The following NFRKB variants were observed in gnomAD, a reference collection of about 807,000 sequenced individuals.
NFRKB encodes nuclear factor related to kappa-B-binding protein.
A neutral mutation model predicts 135.7 loss-of-function variants in NFRKB; 62 were observed. The ratio of observed to expected loss-of-function variants is 0.46; its 90% CI spans 0.37 to 0.56. The LOEUF is 0.56. Ranked by LOEUF, NFRKB falls within the 20% of genes least tolerant of loss-of-function variation. NFRKB has a pLI of 0.00. For missense variants in NFRKB, 1,545 were observed against 1,662.0 expected, an observed-to-expected ratio of 0.93 and a Z score of 1.22; for synonymous variants, 678 against 635.6, an observed-to-expected ratio of 1.07 and a Z score of -1.00.
chr11:129,871,196 T>C (rs1591482331), intron 23 of NFRKB, among the ~76,000 whole-genome samples: 1 of 152,240 alleles, frequency 6.6e-6, no homozygotes, highest in African/African-American at 2.4e-5. Flanking sequence ...GCTTCTATAC[T>C]GTATTGGTTT....
rs749677145 is a variant in NFRKB at position 129,877,366 on chromosome 11, G to A, written c.1531C>T (p.Arg511Cys). ...CGTTTCTCCTCCCCCGTGCTGGGAC[G>A]CACCACATAGTCAGTTCTTCTGGAA... is the stretch of plus-strand genomic sequence containing the variant. ...VPRVRTDYVV[R>C]PSTGEEKRVF... Residue 511 changes from arginine to cysteine, a missense_variant, in exon 16 of 27, where the codon CGT (arginine) becomes TGT (cysteine). Coordinates refer to ENST00000682444, the MANE Select transcript of NFRKB (RefSeq NM_001143835.2). 7.4e-6 allele frequency: 12 copies of A among 1,614,098 alleles called. No homozygotes were observed. The highest frequency in any genetic ancestry group is 2.2e-5 in the East Asian group (1 of 44,882).
At chr11:129,877,810 C>T (rs973169157) in intron 15 of NFRKB, among the ~76,000 whole-genome samples, 3 of 152,134 alleles carry the variant, frequency 2.0e-5, no homozygotes, top group African/African-American at 7.2e-5. Flanking sequence ...AAAGTTCTGC[C>T]ACACTTAGAC....
At chr11:129,891,718 A>C (rs1444089362) in intron 3 of NFRKB, among the ~76,000 whole-genome samples, 9 of 152,234 alleles carry the variant, frequency 5.9e-5, no homozygotes, top group Non-Finnish European at 8.8e-5. Context: ...TAGACCACAC[A>C]TCAAATTATT....
Position 129,864,850 on chromosome 11 carries a change from CCT to C in NFRKB, c.3775-2_3775-1del, listed in dbSNP as rs747422001. ...GATGCAGGGACAGTCTGGATGCGCA[CCT>C]GTTTGCAAAGACAGAAGGTCAGGTC... On this transcript the variant is annotated splice_acceptor_variant, in intron 26 of 26. Coordinates refer to ENST00000682444, the MANE Select transcript of NFRKB (RefSeq NM_001143835.2). LOFTEE classifies it high-confidence loss of function. 3 of 1,614,176 alleles carry C rather than the reference CCT, an allele frequency of 1.9e-6. No homozygotes were observed. In the South Asian group the frequency reaches 3.3e-5, roughly 18 times the overall value.
At chr11:129,878,657 A>G (rs1948887911) in intron 13 of NFRKB, 114 bp from the exon 14 acceptor site, 1 of 909,402 alleles carries the variant, frequency 1.1e-6, no homozygotes. Flanking sequence ...CAGGAGCTGT[A>G]GCAACAATCC....
chr11:129,892,353 AT>A (rs1949597174), intron 3 of NFRKB, among the ~76,000 whole-genome samples: 2 of 151,536 alleles, frequency 1.3e-5, no homozygotes, highest in Admixed American at 1.3e-4. Context: ...CTCCAATTCC[AT>A]CCAGTTTGCT....
rs781024127 is a variant in NFRKB at position 129,869,849 on chromosome 11, C to T, written c.3176G>A (p.Arg1059His). Residue 1059 changes from arginine to histidine, a missense_variant, in exon 24 of 27, where the codon CGC (arginine) becomes CAC (histidine). Arg to His is a conservative substitution (Grantham distance 29). This residue lies in a region of NFRKB where 753 missense variants were observed against 804.3 expected (regional missense o/e 0.94). Coordinates refer to ENST00000682444, the MANE Select transcript of NFRKB (RefSeq NM_001143835.2). ...KPTEASSSAF[R>H]LMPALGVSVA... ...ACTCACGCCAAGAGCTGGCATCAAG[C>T]GAAAAGCCGAACTTGAGGCTTCTGT... The T allele has an allele frequency of 1.5e-5, 24 of 1,614,120 alleles. No individual in the cohort carries two copies. The highest frequency in any genetic ancestry group is 5.3e-5 in the African/African-American group (4 of 74,926).
At chr11:129,879,597 C>T (rs1948933695) in intron 13 of NFRKB, among the ~76,000 whole-genome samples, 1 of 152,220 alleles carries the variant, frequency 6.6e-6, no homozygotes, top group African/African-American at 2.4e-5. Context: ...ACTTCTCAGG[C>T]GATCCGGTCT....
intron 3 of NFRKB, among the ~76,000 whole-genome samples, chr11:129,890,967 T>C (rs191576190): frequency 1.4e-4 from 21 of 152,382 alleles, no homozygotes; most frequent in African/African-American, 4.6e-4. Flanking sequence ...AGTGGTCTTA[T>C]TGACATAACT....
intron 10 of NFRKB, 104 bp downstream of exon 10, chr11:129,882,347 C>T (rs1399492875): frequency 3.6e-6 from 5 of 1,406,550 alleles, no homozygotes; most frequent in Non-Finnish European, 4.9e-6. Flanking sequence ...TTCAGGTCTA[C>T]AAGTCCAACA....
chr11:129,874,069 A>ACT lies in NFRKB; in HGVS notation c.2279+43_2279+44insAG. 6.3e-7 allele frequency: 1 copy of ACT among 1,591,294 alleles called. No homozygotes were observed. The highest frequency in any genetic ancestry group is 8.6e-7 in the Non-Finnish European group (1 of 1,166,014). On this transcript the variant is annotated intron_variant, in intron 21 of 26. Transcript: ENST00000682444. This position sits in a 1 kb window ranked among gnomAD's most constrained non-coding sequence, Gnocchi z 4.5. ...AACAAAAACTTAGGACATGCATACAAAAGAACTCTAGAACGAAAAAGCTGA... is the reference window on the plus strand; with the variant it reads ...AACAAAAACTTAGGACATGCATACAACTAAGAACTCTAGAACGAAAAAGCTGA...
chr11:129,864,873 A>G, intron 26 of NFRKB, 23 bp from the exon 27 acceptor site: 1 of 1,614,176 alleles, frequency 6.2e-7, no homozygotes, highest in South Asian at 1.1e-5. Flanking sequence ...ACAGAAGGTC[A>G]GGTCAATGGA....
intron 4 of NFRKB, among the ~76,000 whole-genome samples, chr11:129,887,708 C>G (rs148111994): frequency 6.6e-6 from 1 of 152,356 alleles, no homozygotes; most frequent in African/African-American, 2.4e-5. Flanking sequence ...ATTTACACAG[C>G]TACTCTAAAG....
In NFRKB at chr11:129,873,837, A is replaced by C; in HGVS notation, c.2458T>G (p.Ser820Ala). The C allele has an allele frequency of 2.5e-6, 4 of 1,614,068 alleles. No individual in the cohort carries two copies. The highest frequency in any genetic ancestry group is 2.5e-6 in the Non-Finnish European group (3 of 1,180,002). Reference protein sequence around the residue: ...QPSLPAVPQQSGGPAQTLPQM... With the variant: ...QPSLPAVPQQAGGPAQTLPQM... The stretch of plus-strand genomic sequence containing the variant: ...GGCAATGTCTGTGCCGGCCCTCCCG[A>C]CTGCTGGGGAACAGCAGGAAGGCTA... The change falls in exon 22 of 27, where the codon TCG becomes GCG. Residue 820 changes from serine (S) to alanine (A), a missense_variant. This residue lies in a region of NFRKB where 753 missense variants were observed against 804.3 expected (regional missense o/e 0.94). Transcript: ENST00000682444.
intron 23 of NFRKB, among the ~76,000 whole-genome samples, chr11:129,871,088 G>A (rs965523158): frequency 2.0e-5 from 3 of 152,120 alleles, no homozygotes; most frequent in African/African-American, 7.2e-5. Flanking sequence ...TACACAAAAT[G>A]CACTATCTCC....
intron 24 of NFRKB, 99 bp from the exon 25 acceptor site, chr11:129,866,082 G>A: frequency 1.0e-6 from 1 of 985,924 alleles, no homozygotes; most frequent in Non-Finnish European, 1.5e-6. Flanking sequence ...AAGCACTACA[G>A]ATGCTGTCAG....
At chr11:129,890,557 C>A (rs1346594670) in intron 3 of NFRKB, among the ~76,000 whole-genome samples, 1 of 152,178 alleles carries the variant, frequency 6.6e-6, no homozygotes, top group Non-Finnish European at 1.5e-5. Flanking sequence ...GAATGTGAAA[C>A]AAACAAACTA....
chr11:129,877,289 A>G, intron 16 of NFRKB, 36 bp downstream of exon 16: 4 of 1,599,796 alleles, frequency 2.5e-6, no homozygotes, highest in Non-Finnish European at 3.4e-6. Flanking sequence ...CATGGCTCAC[A>G]GAGGCAGAGA....
chr11:129,865,502 T>C (rs1486216960), intron 25 of NFRKB, among the ~76,000 whole-genome samples: 1 of 152,218 alleles, frequency 6.6e-6, no homozygotes, highest in Non-Finnish European at 1.5e-5. Context: ...CAGGTGGCCC[T>C]CATTCCCTGA....
Sources: gnomAD v4.1 joint callset for allele counts (sites outside exome capture counted in the v4.1 genomes callset) on GRCh38, gnomAD v4.1.1 for gene constraint, gnomAD v4.1.1 regional missense constraint, Gnocchi (gnomAD v3.1) non-coding constraint, MANE v1.5 for transcripts, NCBI Gene and HGNC (gene_info 2026-07-23, HGNC 2026-07-21) for gene names.